Variants in RIMS2 observed in about 807,000 individuals in gnomAD.
RIMS2 encodes regulating synaptic membrane exocytosis 2.
RIMS2 carries 59 observed loss-of-function variants against 174.4 expected under a neutral mutation model. That is an observed-to-expected ratio of 0.34 (90% confidence interval 0.27 to 0.42). The LOEUF (loss-of-function observed/expected upper bound fraction) is 0.42. RIMS2 is among the 10% of genes least tolerant of loss of function. The pLI, the probability that RIMS2 is intolerant of heterozygous loss-of-function variation, is 1.00. For missense variants in RIMS2, 1,620 were observed against 1,666.3 expected, an observed-to-expected ratio of 0.97 and a Z score of 0.48; for synonymous variants, 606 against 572.5, an observed-to-expected ratio of 1.06 and a Z score of -0.84.
chr8:104,090,389 A>G (rs1026484639), intron 19 of RIMS2, among the ~76,000 whole-genome samples: 23 of 151,828 alleles, frequency 1.5e-4, no homozygotes, highest in Non-Finnish European at 5.9e-5. Context: ...CAACAAGACT[A>G]GACATCATGA....
intron 17 of RIMS2, among the ~76,000 whole-genome samples, chr8:104,005,766 G>A (rs373629827): frequency 2.0e-5 from 3 of 152,226 alleles, no homozygotes; most frequent in East Asian, 3.9e-4. Flanking sequence ...CCTGTGTCCA[G>A]ATTAATGATG....
At chr8:103,621,842 G>A (rs1390352033) in intron 1 of RIMS2, among the ~76,000 whole-genome samples, 3 of 151,206 alleles carry the variant, frequency 2.0e-5, no homozygotes, top group Non-Finnish European at 4.4e-5. Context: ...GATCATATAT[G>A]TATGGTAGCA....
chr8:103,508,233 G>A (rs771355071), intron 1 of RIMS2, among the ~76,000 whole-genome samples: 6 of 151,954 alleles, frequency 3.9e-5, no homozygotes, highest in South Asian at 2.1e-4. Context: ...TGTAAGAAAC[G>A]TGATAAACCA....
chr8:103,912,948 T>A (rs1014044030), intron 6 of RIMS2, among the ~76,000 whole-genome samples: 3 of 150,596 alleles, frequency 2.0e-5, no homozygotes, highest in African/African-American at 7.3e-5. Flanking sequence ...TGAAGTCCTG[T>A]CTCTAGCAAA....
chr8:103,976,970 G>C (rs1000708231), intron 16 of RIMS2: 1 of 152,170 alleles, frequency 6.6e-6, no homozygotes, highest in Non-Finnish European at 1.5e-5. Flanking sequence ...GGAAATAATA[G>C]TTGAAGCTAA....
chr8:103,872,349 A>C (rs571487260), intron 3 of RIMS2, among the ~76,000 whole-genome samples: 2 of 152,202 alleles, frequency 1.3e-5, no homozygotes, highest in South Asian at 4.1e-4. Flanking sequence ...GTAACCTTTT[A>C]TTTACTTGTT....
chr8:103,531,182 A>C (rs142889449), intron 1 of RIMS2, among the ~76,000 whole-genome samples: 1 of 152,020 alleles, frequency 6.6e-6, no homozygotes, highest in South Asian at 2.1e-4. Flanking sequence ...AATATCTTTA[A>C]TGTGCACACT....
chr8:103,847,459 A>G (rs2098973935), intron 3 of RIMS2, among the ~76,000 whole-genome samples: 1 of 152,118 alleles, frequency 6.6e-6, no homozygotes, highest in African/African-American at 2.4e-5. Context: ...AGTGGATCTC[A>G]TAATTAGTGT....
intron 2 of RIMS2, among the ~76,000 whole-genome samples, chr8:103,761,877 C>T (rs1397111034): frequency 6.6e-6 from 1 of 152,152 alleles, no homozygotes. Flanking sequence ...GGAGCTTGGC[C>T]TATGGTCTCG....
chr8:104,126,671 C>A (rs2098434410), intron 19 of RIMS2, among the ~76,000 whole-genome samples: 1 of 152,170 alleles, frequency 6.6e-6, no homozygotes, highest in Non-Finnish European at 1.5e-5. Context: ...GCTTGTAACA[C>A]AATGCCTACC....
At chr8:104,112,776 T>C (rs957702325) in intron 19 of RIMS2, among the ~76,000 whole-genome samples, 1 of 152,194 alleles carries the variant, frequency 6.6e-6, no homozygotes, top group African/African-American at 2.4e-5. Flanking sequence ...CCCCAGTGCC[T>C]AGAACACTGC....
At chr8:104,105,141 C>T (rs996469345) in intron 19 of RIMS2, among the ~76,000 whole-genome samples, 1 of 151,960 alleles carries the variant, frequency 6.6e-6, no homozygotes, top group African/African-American at 2.4e-5. Context: ...CTCTCAAGGA[C>T]TTCAGTAAAT....
At chr8:103,737,289 T>G (rs1208112622) in intron 2 of RIMS2, among the ~76,000 whole-genome samples, 1 of 149,664 alleles carries the variant, frequency 6.7e-6, no homozygotes, top group Non-Finnish European at 1.5e-5. Context: ...GTTCAAGTGA[T>G]TCTCCTGCCT....
At chr8:103,710,804 T>G (rs548531825) in intron 2 of RIMS2, among the ~76,000 whole-genome samples, 1 of 152,278 alleles carries the variant, frequency 6.6e-6, no homozygotes, top group African/African-American at 2.4e-5. Context: ...AATTTTATAA[T>G]GGTTATAAAG....
At chr8:104,245,465 T>C (rs1214037479) in intron 20 of RIMS2, among the ~76,000 whole-genome samples, 12 of 152,254 alleles carry the variant, frequency 7.9e-5, no homozygotes, top group Admixed American at 7.9e-4. Context: ...TGGCGTATAC[T>C]TAGTTCCATG....
intron 15 of RIMS2, among the ~76,000 whole-genome samples, chr8:103,965,513 C>T (rs921952904): frequency 2.0e-5 from 3 of 152,110 alleles, no homozygotes; most frequent in South Asian, 4.1e-4. Context: ...TCTATAATCA[C>T]TTATTAGTTC....
chr8:103,776,625 A>G (rs1460026423), intron 3 of RIMS2, among the ~76,000 whole-genome samples: 1 of 152,096 alleles, frequency 6.6e-6, no homozygotes, highest in African/African-American at 2.4e-5. Flanking sequence ...ATGAAAATGC[A>G]TTTTTACTCA....
chr8:103,534,789 G>T (rs1026668883), intron 1 of RIMS2, among the ~76,000 whole-genome samples: 19 of 152,004 alleles, frequency 1.2e-4, no homozygotes, highest in Admixed American at 1.2e-3. Context: ...TATCAATAAG[G>T]GTTTTGTAGA....
intron 1 of RIMS2, among the ~76,000 whole-genome samples, chr8:103,533,685 AAAAG>A (rs1363137488): frequency 6.7e-6 from 1 of 149,746 alleles, no homozygotes; most frequent in East Asian, 1.9e-4. Flanking sequence ...AAAAAAAAGA[AAAAG>A]AAAAAAACCT....
Sources: gnomAD v4.1 joint callset for allele counts (sites outside exome capture counted in the v4.1 genomes callset) on GRCh38, gnomAD v4.1.1 for gene constraint, MANE v1.5 for transcripts, NCBI Gene and HGNC (gene_info 2026-07-23, HGNC 2026-07-21) for gene names.